TPX2: variants seen among roughly 807,000 people sequenced by gnomAD.
TPX2 encodes TPX2 microtubule nucleation factor.
TPX2 carries 21 observed loss-of-function variants against 93.6 expected under a neutral mutation model. The ratio of observed to expected loss-of-function variants is 0.22; its 90% CI spans 0.16 to 0.32. The LOEUF is 0.32. TPX2 is among the 10% of genes least tolerant of loss of function. The probability of loss-of-function intolerance (pLI) is 1.00; values close to 1 mark genes in which losing one functional copy is unlikely to be tolerated. For missense variants in TPX2, 776 were observed against 871.1 expected, an observed-to-expected ratio of 0.89 and a Z score of 1.37; for synonymous variants, 281 against 298.3, an observed-to-expected ratio of 0.94 and a Z score of 0.60.
intron 5 of TPX2, among the ~76,000 whole-genome samples, chr20:31,767,902 C>T (rs549994927): frequency 6.7e-6 from 1 of 149,858 alleles, no homozygotes; most frequent in South Asian, 2.1e-4. Context: ...CTGTGGTTTT[C>T]TTGCTTCTGA....
At chr20:31,762,134 C>G (rs963240280) in intron 4 of TPX2, among the ~76,000 whole-genome samples, 1 of 152,014 alleles carries the variant, frequency 6.6e-6, no homozygotes, top group African/African-American at 2.4e-5. Flanking sequence ...GATATTAGTC[C>G]CTTCTTGAAT....
chr20:31,761,452 G>A lies in TPX2; in HGVS notation c.229+1273G>A, dbSNP rs149562663. On this transcript the variant is annotated intron_variant, in intron 4 of 17. Coordinates refer to ENST00000300403, the MANE Select transcript of TPX2 (RefSeq NM_012112.5). ...CCTGACCTTGTGATCCGCCCACCTC[G>A]GCCTCCCAAAGTGCTGGGATTACAG... 4.1e-3 allele frequency among the ~76,000 whole-genome samples: 620 copies of A among 152,074 alleles called. 3 individuals carry two copies. Among genetic ancestry groups the A allele is most frequent in the African/African-American group, 0.012 (513 of 41,496 alleles).
chr20:31,767,958 G>A (rs2061939060), intron 5 of TPX2, among the ~76,000 whole-genome samples: 2 of 150,020 alleles, frequency 1.3e-5, no homozygotes, highest in Admixed American at 6.6e-5. Context: ...TTGAGAGAGG[G>A]TCTTGCTCTG....
At chr20:31,758,630 C>T (rs775836838) in intron 3 of TPX2, among the ~76,000 whole-genome samples, 1 of 152,182 alleles carries the variant, frequency 6.6e-6, no homozygotes, top group Non-Finnish European at 1.5e-5. Context: ...TGGTGGGGAA[C>T]AGAAGTGAGT....
chr20:31,763,728 T>A (rs909439368), intron 4 of TPX2, among the ~76,000 whole-genome samples: 3 of 150,930 alleles, frequency 2.0e-5, no homozygotes, highest in African/African-American at 7.2e-5. Flanking sequence ...TTAATTTTTT[T>A]TTTTTTTTTG....
rs747369386 is a variant in TPX2, at chr20:31,770,349, T to C, written c.363T>C (p.Ser121=). 1.3e-6 allele frequency: 2 copies of C among 1,581,906 alleles called. No homozygotes were observed. Among genetic ancestry groups the C allele is most frequent in the Non-Finnish European group, 1.7e-6 (2 of 1,165,546 alleles). ...RKTPAQPQRR[S]LRLSAQKDLE... ...GTCAATTTCTCTACCATAGAAGATC[T>C]CTTAGGCTTTCTGCTCAGAAGGATT... Residue 121 remains serine, a synonymous_variant, in exon 6 of 18, where the codon TCT becomes TCC. Coordinates refer to ENST00000300403, the MANE Select transcript of TPX2 (RefSeq NM_012112.5).
rs528012713 is a variant in TPX2 at position 31,740,149 on chromosome 20, C to T, written c.-178+528C>T. Among the ~76,000 whole-genome samples, 113 of 152,218 alleles carry T rather than the reference C, an allele frequency of 7.4e-4. 1 individual carries two copies. Among genetic ancestry groups the T allele is most frequent in the Middle Eastern group, 6.8e-3 (2 of 294 alleles). The stretch of plus-strand genomic sequence containing the variant: ...GTTATAATGTAGAATTGGTTTACCC[C>T]CTATTTTCTTGACATATAACGTCTG... On this transcript the variant is annotated intron_variant, in intron 1 of 17. Transcript: ENST00000300403.
At position 31,794,906 on chromosome 20, in the gene TPX2, C is replaced by T. The variant is rs908414905; in HGVS notation, c.1833+358C>T. Among the ~76,000 whole-genome samples the T allele has an allele frequency of 2.6e-4, 40 of 151,766 alleles. No homozygotes were observed. In the East Asian group the frequency reaches 6.6e-3, roughly 25 times the overall value. On this transcript the variant is annotated intron_variant, in intron 15 of 17. Transcript: ENST00000300403. ...CACAATCTCGGCTCACTGCAAGCTC[C>T]GCCTCCTGGGTTCACGCCAGTCTCC...
chr20:31,796,723 G>T (rs6121231), intron 15 of TPX2, among the ~76,000 whole-genome samples: 6 of 150,866 alleles, frequency 4.0e-5, no homozygotes, highest in Admixed American at 1.3e-4. Context: ...TTTTTTTGGA[G>T]GTGGGAAGAA....
chr20:31,759,687 C>G (rs1041806515), intron 3 of TPX2, among the ~76,000 whole-genome samples: 1 of 151,970 alleles, frequency 6.6e-6, no homozygotes, highest in Admixed American at 6.6e-5. Context: ...TGTGAGCCAT[C>G]GCTCCCGGCT....
chr20:31,771,545 C>G lies in TPX2; in HGVS notation c.486-15C>G. The G allele has an allele frequency of 6.2e-7, 1 of 1,606,848 alleles. No individual in the cohort carries two copies. Among genetic ancestry groups the G allele is most frequent in the South Asian group, 1.1e-5 (1 of 89,596 alleles). On this transcript the variant is annotated splice_polypyrimidine_tract_variant and intron_variant, in intron 6 of 17. Coordinates refer to ENST00000300403, the MANE Select transcript of TPX2 (RefSeq NM_012112.5). ...AGGGAATTGAAAACATATTTTTTGT[C>G]CTTTTGAACTCAAGTTCTAACAACA...
rs188792586 is a variant in TPX2, at chr20:31,790,810, C to T, written c.1414-1925C>T. ...AGTAAAATAGTCTCCATCCTCGAAG[C>T]ACTCAGGCTAGCAGGGGGAAATGAA... On this transcript the variant is annotated intron_variant, in intron 12 of 17. Coordinates refer to ENST00000300403, the MANE Select transcript of TPX2 (RefSeq NM_012112.5). 6.6e-5 allele frequency among the ~76,000 whole-genome samples: 10 copies of T among 152,276 alleles called. No individual in the cohort carries two copies. In the East Asian group the frequency reaches 1.9e-3, roughly 29 times the overall value.
At position 31,753,809 on chromosome 20, in the gene TPX2, T is replaced by G. The variant is rs144793055; in HGVS notation, c.-70-3598T>G. Among the ~76,000 whole-genome samples the G allele has an allele frequency of 1.3e-3, 199 of 152,266 alleles. 2 individuals carry two copies. The East Asian group carries it at 0.037, about 29-fold the overall frequency. On this transcript the variant is annotated intron_variant, in intron 2 of 17. Transcript: ENST00000300403. ...GGGTGGCCGAGGCAGGCAGATCACC[T>G]GAGGTCAGGAGTTCAAGACCAGCCT...
intron 2 of TPX2, among the ~76,000 whole-genome samples, chr20:31,745,706 A>G (rs1366382808): frequency 1.3e-5 from 2 of 152,234 alleles, no homozygotes; most frequent in East Asian, 1.9e-4. Context: ...AAATCTCTAT[A>G]AAATGAAATG....
intron 11 of TPX2, among the ~76,000 whole-genome samples, chr20:31,782,597 T>C (rs2062039736): frequency 6.6e-6 from 1 of 151,918 alleles, no homozygotes. Context: ...CTGGTAAAAA[T>C]TGAATCCAGG....
At chr20:31,773,482 G>A (rs2061977279) in intron 7 of TPX2, among the ~76,000 whole-genome samples, 1 of 151,150 alleles carries the variant, frequency 6.6e-6, no homozygotes, top group African/African-American at 2.4e-5. Flanking sequence ...AGTAGAGATG[G>A]GGTTTCATGA....
intron 8 of TPX2, 151 bp downstream of exon 8, chr20:31,776,139 G>A (rs1039797075): frequency 2.5e-6 from 2 of 816,288 alleles, no homozygotes; most frequent in African/African-American, 3.6e-5. Flanking sequence ...GGACTGCAGT[G>A]GCGCAATCTC....
intron 2 of TPX2, among the ~76,000 whole-genome samples, chr20:31,750,149 A>T (rs1263531113): frequency 1.4e-5 from 2 of 145,310 alleles, no homozygotes; most frequent in Non-Finnish European, 3.0e-5. Context: ...GTTGGCCAGG[A>T]TGGTCTCGAT....
chr20:31,775,840 C>T (rs2061993086), intron 7 of TPX2, 27 bp from the exon 8 acceptor site: 2 of 1,516,300 alleles, frequency 1.3e-6, no homozygotes, highest in Non-Finnish European at 1.8e-6. Flanking sequence ...CCTCTCCTCT[C>T]TTCTCATTTA....
Sources: gnomAD v4.1 joint callset for allele counts (sites outside exome capture counted in the v4.1 genomes callset) on GRCh38, gnomAD v4.1.1 for gene constraint, MANE v1.5 for transcripts, NCBI Gene and HGNC (gene_info 2026-07-23, HGNC 2026-07-21) for gene names.